The following C3orf20 variants were observed in gnomAD, a reference collection of about 807,000 sequenced individuals.
The protein encoded by C3orf20 is uncharacterized protein C3orf20.
In C3orf20, 76 loss-of-function variants were observed where a neutral mutation model predicts 88.3. That is an observed-to-expected ratio of 0.86 (90% CI 0.72 to 1.04). The LOEUF is 1.04. Ranked by LOEUF, C3orf20 falls within the 50% of genes least tolerant of loss-of-function variation. The probability of loss-of-function intolerance (pLI) is 0.00; values close to 1 mark genes in which losing one functional copy is unlikely to be tolerated. For missense variants in C3orf20, 1,056 were observed against 1,123.3 expected, an observed-to-expected ratio of 0.94 and a Z score of 0.86; for synonymous variants, 436 against 437.4, an observed-to-expected ratio of 1.00 and a Z score of 0.04.
intron 5 of C3orf20, among the ~76,000 whole-genome samples, chr3:14,697,986 C>G (rs2033083041): frequency 6.6e-6 from 1 of 152,066 alleles, no homozygotes; most frequent in African/African-American, 2.4e-5. Flanking sequence ...GGTTCCAAGT[C>G]TTTGTTATTG....
At chr3:14,738,817 T>G (rs11926474) in intron 12 of C3orf20, among the ~76,000 whole-genome samples, 4 of 120,354 alleles carry the variant, frequency 3.3e-5, no homozygotes, top group Admixed American at 3.0e-4. Flanking sequence ...ATTTTTTTGT[T>G]TTTTTTTTTT....
At position 14,768,245 on chromosome 3, in the gene C3orf20, G is replaced by A. The variant is rs550964960; in HGVS notation, c.2496-3822G>A. Among the ~76,000 whole-genome samples the A allele has an allele frequency of 2.0e-5, 3 of 151,950 alleles. No individual in the cohort carries two copies. The highest frequency in any genetic ancestry group is 2.4e-5 in the African/African-American group (1 of 41,280). On this transcript the variant is annotated intron_variant, in intron 15 of 16. Transcript: ENST00000253697. This position sits in a 1 kb window ranked among gnomAD's most constrained non-coding sequence, Gnocchi z 4.1. ...AGCAGTGCAGGGGGCCCACACCCTC[G>A]TCCGCTGCATACACCAAGACCCCTC...
At chr3:14,692,381 C>G (rs1416173606) in intron 5 of C3orf20, among the ~76,000 whole-genome samples, 1 of 152,148 alleles carries the variant, frequency 6.6e-6, no homozygotes, top group Non-Finnish European at 1.5e-5. Context: ...GGAGGGTTTC[C>G]TTTTCTCCAC....
rs972331883 is a variant in C3orf20 at position 14,735,074 on chromosome 3, C to A, written c.1940+6386C>A. Among the ~76,000 whole-genome samples the A allele has an allele frequency of 2.4e-4, 37 of 151,104 alleles. 1 individual carries two copies. Among genetic ancestry groups the A allele is most frequent in the Non-Finnish European group, 2.2e-4 (15 of 67,722 alleles). ...TTTTTTACTTTCACCCTTTCTGCTC[C>A]TTTATTTTAAGGTCTGTCTCTTGAA... On this transcript the variant is annotated intron_variant, in intron 12 of 16. Transcript: ENST00000253697.
At chr3:14,679,660 T>C (rs939801757) in intron 1 of C3orf20, among the ~76,000 whole-genome samples, 1 of 151,838 alleles carries the variant, frequency 6.6e-6, no homozygotes, top group African/African-American at 2.4e-5. Flanking sequence ...AAAAAAAAAA[T>C]TATGTTCATT....
chr3:14,684,574 G>C (rs2032296889), intron 4 of C3orf20, among the ~76,000 whole-genome samples, 192 bp downstream of exon 4: 1 of 152,154 alleles, frequency 6.6e-6, no homozygotes, highest in Admixed American at 6.5e-5. Flanking sequence ...GTGGTTTGGC[G>C]GTATCTGCTG....
chr3:14,676,971 A>G (rs970785497), intron 1 of C3orf20, among the ~76,000 whole-genome samples: 4 of 152,208 alleles, frequency 2.6e-5, no homozygotes, highest in Admixed American at 1.3e-4. Context: ...TTAACAGTAC[A>G]GAGAACAGCA....
At chr3:14,749,179 C>T (rs2035147583) in intron 12 of C3orf20, among the ~76,000 whole-genome samples, 1 of 152,086 alleles carries the variant, frequency 6.6e-6, no homozygotes. Flanking sequence ...GATAGAGTAA[C>T]TGTCTTCTAA....
chr3:14,703,339 A>G (rs1370427762), intron 6 of C3orf20, 77 bp downstream of exon 6: 32 of 1,595,240 alleles, frequency 2.0e-5, no homozygotes, highest in Non-Finnish European at 2.5e-5. Flanking sequence ...GTCCCTGTGT[A>G]TATGTGAGTG....
At chr3:14,708,089 T>G (rs2033596011) in intron 7 of C3orf20, among the ~76,000 whole-genome samples, 1 of 152,134 alleles carries the variant, frequency 6.6e-6, no homozygotes, top group Non-Finnish European at 1.5e-5. Flanking sequence ...CCCAAAGTGC[T>G]GGGATTATAG....
chr3:14,743,474 G>C (rs1367338949), intron 12 of C3orf20, among the ~76,000 whole-genome samples: 1 of 151,924 alleles, frequency 6.6e-6, no homozygotes, highest in East Asian at 1.9e-4. Context: ...GGCTTTTCCA[G>C]GTGCATGGAG....
At chr3:14,685,544 A>T (rs2032365191) in intron 4 of C3orf20, among the ~76,000 whole-genome samples, 1 of 150,582 alleles carries the variant, frequency 6.6e-6, no homozygotes, top group Non-Finnish European at 1.5e-5. Flanking sequence ...CTACTCCCCA[A>T]GCAAATTTTG....
chr3:14,734,623 G>T (rs548159113), intron 12 of C3orf20, among the ~76,000 whole-genome samples: 88 of 152,120 alleles, frequency 5.8e-4, no homozygotes, highest in Non-Finnish European at 1.1e-3. Flanking sequence ...GTCAATTTTG[G>T]TAAATGTTTC....
chr3:14,754,502 C>T (rs1266842320), intron 12 of C3orf20, among the ~76,000 whole-genome samples: 1 of 152,206 alleles, frequency 6.6e-6, no homozygotes, highest in Non-Finnish European at 1.5e-5. Flanking sequence ...CTACAATGCT[C>T]TCTTACCAAA....
At position 14,715,374 on chromosome 3, in the gene C3orf20, T is replaced by C; in HGVS notation, c.1399T>C (p.Ser467Pro). The C allele has an allele frequency of 1.2e-6, 2 of 1,612,368 alleles. No homozygotes were observed. The highest frequency in any genetic ancestry group is 1.7e-6 in the Non-Finnish European group (2 of 1,179,772). ...GYVVHKWSWT[S>P]RTETLLSLEY... ...TGTAGTCCACAAGTGGAGCTGGACT[T>C]CCAGGACAGAGACCCTGCTTTCCCT... The change falls in exon 9 of 17, where the codon TCC (serine) becomes CCC (proline). Residue 467 changes from serine (S) to proline (P), a missense_variant. Coordinates refer to ENST00000253697, the MANE Select transcript of C3orf20 (RefSeq NM_032137.5).
At chr3:14,709,395 A>G (rs2033651140) in intron 7 of C3orf20, among the ~76,000 whole-genome samples, 1 of 152,136 alleles carries the variant, frequency 6.6e-6, no homozygotes, top group South Asian at 2.1e-4. Context: ...AGAACTTTCA[A>G]TACAATTTTG....
intron 14 of C3orf20, among the ~76,000 whole-genome samples, chr3:14,760,588 T>C (rs979270005): frequency 6.6e-6 from 1 of 150,402 alleles, no homozygotes; most frequent in African/African-American, 2.4e-5. Context: ...TTTTAACTAC[T>C]GTGTAAGAGT....
chr3:14,709,913 A>AT (rs959112093), intron 7 of C3orf20, among the ~76,000 whole-genome samples: 4 of 152,090 alleles, frequency 2.6e-5, no homozygotes, highest in South Asian at 2.1e-4. Flanking sequence ...CTGCTCTTCT[A>AT]TTTTTTTGGA....
At chr3:14,688,165 A>G (rs1481371784) in intron 4 of C3orf20, among the ~76,000 whole-genome samples, 1 of 152,214 alleles carries the variant, frequency 6.6e-6, no homozygotes, top group Admixed American at 6.5e-5. Context: ...TGCATGAATT[A>G]TGTTTTTCGG....
Sources: allele counts gnomAD v4.1 joint callset (sites outside exome capture counted in the v4.1 genomes callset), GRCh38; gene constraint gnomAD v4.1.1; non-coding constraint Gnocchi (gnomAD v3.1); transcripts MANE v1.5; gene names NCBI Gene and HGNC (gene_info 2026-07-23, HGNC 2026-07-21).